Variants in SAMD9L observed in about 807,000 individuals in gnomAD.
The protein encoded by SAMD9L is sterile alpha motif domain-containing protein 9-like.
A neutral mutation model predicts 90.7 loss-of-function variants in SAMD9L; 68 were observed. The observed-to-expected ratio is 0.75, with a 90% confidence interval of 0.62 to 0.92. SAMD9L has a LOEUF of 0.92. Among genes scored for constraint, SAMD9L ranks in the 40% least tolerant of loss-of-function variants. The pLI, the probability that SAMD9L is intolerant of heterozygous loss-of-function variation, is 0.00. For missense variants in SAMD9L, 1,604 were observed against 1,824.3 expected (o/e 0.88, Z 2.20); for synonymous variants, 640 against 630.1 (o/e 1.02, Z -0.23).
In SAMD9L at chr7:93,133,613, A is replaced by G; in HGVS notation, c.2359T>C (p.Tyr787His). ...TAATCCTGATGGCTCTTTGCCCTAT[A>G]GGTGACCAGATTGATCACTTGCTCT... The part of the protein sequence containing the change: ...IAEQVINLVT[Y>H]RAKSHQDYIP... Residue 787 changes from tyrosine (Y) to histidine (H), a missense_variant, in exon 5 of 5, where the codon TAT becomes CAT. By Grantham distance (83) the Tyr-to-His change is moderately conservative. This residue lies in a region of SAMD9L where 606 missense variants were observed against 717.6 expected (regional missense o/e 0.84). Coordinates refer to ENST00000318238, the MANE Select transcript of SAMD9L (RefSeq NM_152703.5). The G allele has an allele frequency of 1.2e-6, 2 of 1,613,810 alleles. No individual in the cohort carries two copies. The highest frequency in any genetic ancestry group is 1.7e-6 in the Non-Finnish European group (2 of 1,179,824).
rs375853283 is a variant in SAMD9L, at chr7:93,132,629, T to C, written c.3343A>G (p.Lys1115Glu). 7 of 1,613,534 alleles carry C rather than the reference T, an allele frequency of 4.3e-6. 1 individual carries two copies. The South Asian group carries it at 5.5e-5, about 13-fold the overall frequency. Reference sequence around the variant, plus strand: ...AGTGTATCTGAAATATAGGAATTTTTAGGTGCTTTCATTTTGGCCTGACGT... The same window carrying C: ...AGTGTATCTGAAATATAGGAATTTTCAGGTGCTTTCATTTTGGCCTGACGT... ...WARQAKMKAPKNSYISDTLGQ... is the reference protein window; with the variant it reads ...WARQAKMKAPENSYISDTLGQ... The change falls in exon 5 of 5, where the codon AAA (lysine) becomes GAA (glutamate). Residue 1115 changes from lysine (K) to glutamate (E), a missense_variant. Coordinates refer to ENST00000318238, the MANE Select transcript of SAMD9L (RefSeq NM_152703.5).
intron 4 of SAMD9L, among the ~76,000 whole-genome samples, chr7:93,137,530 T>C (rs956149397): frequency 1.3e-5 from 2 of 152,030 alleles, no homozygotes; most frequent in African/African-American, 4.8e-5. Flanking sequence ...AGTTGTATAA[T>C]AATTTCATTA....
chr7:93,142,399 A>G (rs1792728033), intron 4 of SAMD9L, among the ~76,000 whole-genome samples: 1 of 152,240 alleles, frequency 6.6e-6, no homozygotes. Context: ...TAGTGAAACA[A>G]TTGAATTGTA....
rs755040420 is a variant in SAMD9L, at chr7:93,131,414, C to G, written c.4558G>C (p.Asp1520His). 19 of 1,613,600 alleles carry G rather than the reference C, an allele frequency of 1.2e-5. No homozygotes were observed. Among genetic ancestry groups the G allele is most frequent in the Non-Finnish European group, 1.6e-5 (19 of 1,179,850 alleles). The change falls in exon 5 of 5, where the codon GAC becomes CAC. Residue 1520 changes from aspartate (D) to histidine (H), a missense_variant. Transcript: ENST00000318238. ...GDVWKKNEVKDLLRRLTGQAE... is the reference protein window; with the variant it reads ...GDVWKKNEVKHLLRRLTGQAE... ...TGACCAGTTAGACGACGCAGGAGGT[C>G]TTTGACTTCATTTTTTTTCCACACA... is the stretch of plus-strand genomic sequence containing the variant.
intron 4 of SAMD9L, among the ~76,000 whole-genome samples, chr7:93,137,495 C>A (rs927341297): frequency 1.3e-5 from 2 of 151,908 alleles, no homozygotes; most frequent in Admixed American, 1.3e-4. Flanking sequence ...AAGCTCAGGG[C>A]TCCCACTGAG....
chr7:93,132,557 T>C lies in SAMD9L; in HGVS notation c.3415A>G (p.Lys1139Glu). The change falls in exon 5 of 5, where the codon AAA (lysine) becomes GAA (glutamate). Residue 1139 changes from lysine to glutamate, a missense_variant. Lys to Glu is a moderately conservative substitution (Grantham distance 56, BLOSUM62 1). Transcript: ENST00000318238. The part of the protein sequence containing the change: ...SEIKWWLDGN[K>E]NCRSITVNDL... ...TTAACAGTAATGCTCCTACAGTTTTTGTTCCCATCCAACCACCATTTGATT... is the reference window on the plus strand; with the variant it reads ...TTAACAGTAATGCTCCTACAGTTTTCGTTCCCATCCAACCACCATTTGATT... 1.2e-6 allele frequency: 2 copies of C among 1,613,972 alleles called. No homozygotes were observed. The highest frequency in any genetic ancestry group is 1.7e-6 in the Non-Finnish European group (2 of 1,179,860).
rs1792290710 is a variant in SAMD9L at position 93,134,094 on chromosome 7, C to T, written c.1878G>A (p.Ser626=). The part of the protein sequence containing the change: ...LVNSTILKLK[S]VTRSSRRFLP... ...AAAACCTTCTTGATGACCGAGTCAC[C>T]GATTTTAGTTTAAGGATAGTGCTGT... Residue 626 remains serine (S), a synonymous_variant, in exon 5 of 5, where the codon TCG becomes TCA. Transcript: ENST00000318238. 10 of 1,613,764 alleles carry T rather than the reference C, an allele frequency of 6.2e-6. No homozygotes were observed. Among genetic ancestry groups the T allele is most frequent in the Admixed American group, 1.7e-5 (1 of 59,980 alleles).
At chr7:93,140,387 T>A (rs2116533142) in intron 4 of SAMD9L, among the ~76,000 whole-genome samples, 1 of 152,120 alleles carries the variant, frequency 6.6e-6, no homozygotes, top group South Asian at 2.1e-4. Context: ...TGCTGGACAA[T>A]GGCCCTCCAC....
At chr7:93,147,778 A>C (rs17165120) in intron 1 of SAMD9L, among the ~76,000 whole-genome samples, 14,423 of 152,252 alleles carry the variant, frequency 0.095, 888 homozygotes, top group East Asian at 0.23. Flanking sequence ...CAGAGTATTA[A>C]CTTTGATAAA....
rs1392162675 is a variant in SAMD9L at position 93,133,919 on chromosome 7, C to T, written c.2053G>A (p.Glu685Lys). 1 of 1,613,806 alleles carries T rather than the reference C, an allele frequency of 6.2e-7. No homozygotes were observed. The highest frequency in any genetic ancestry group is 8.5e-7 in the Non-Finnish European group (1 of 1,179,858). Residue 685 changes from glutamate to lysine, a missense_variant, in exon 5 of 5, where the codon GAA (glutamate) becomes AAA (lysine). This residue lies in a region of SAMD9L where 606 missense variants were observed against 717.6 expected (regional missense o/e 0.84). Coordinates refer to ENST00000318238, the MANE Select transcript of SAMD9L (RefSeq NM_152703.5). ...KFLEFKKSKE[E>K]HFYRGGKVSW... ...ACTTTGCCACCTCGATAAAAGTGTT[C>T]TTCTTTTGATTTCTTAAACTCCAGG...
rs1362876038 is a variant in SAMD9L, at chr7:93,133,461, T to G, written c.2511A>C (p.Leu837Phe). The change falls in exon 5 of 5, where the codon TTA (leucine) becomes TTC (phenylalanine). Residue 837 changes from leucine to phenylalanine, a missense_variant. Transcript: ENST00000318238. ...CTGGATTCCGGGATCTCATGCAGTT[T>G]AAGATAATTACCAATGTTTTTTCAT... ...LRYEKTLVII[L>F]NCMRSRNPDE... 1.2e-6 allele frequency: 2 copies of G among 1,613,064 alleles called. No individual in the cohort carries two copies. Among genetic ancestry groups the G allele is most frequent in the Non-Finnish European group, 1.7e-6 (2 of 1,179,256 alleles).
chr7:93,137,097 T>C (rs181856930), intron 4 of SAMD9L, among the ~76,000 whole-genome samples: 1 of 151,942 alleles, frequency 6.6e-6, no homozygotes, highest in Admixed American at 6.6e-5. Flanking sequence ...AAAAAAAACA[T>C]TAAGGATCAA....
chr7:93,132,350 T>G lies in SAMD9L; in HGVS notation c.3622A>C (p.Ile1208Leu). ...LGEIEVGLYT[I>L]QILQLTPFFH... ...AAGGGAGTGAGCTGAAGAATCTGGA[T>G]AGTGTAAAGACCAACTTCTATTTCA... The change falls in exon 5 of 5, where the codon ATC becomes CTC. Residue 1208 changes from isoleucine to leucine, a missense_variant. Coordinates refer to ENST00000318238, the MANE Select transcript of SAMD9L (RefSeq NM_152703.5). The G allele has an allele frequency of 6.2e-7, 1 of 1,613,872 alleles. No homozygotes were observed. Among genetic ancestry groups the G allele is most frequent in the Non-Finnish European group, 8.5e-7 (1 of 1,179,856 alleles).
At position 93,131,838 on chromosome 7, in the gene SAMD9L, A is replaced by G; in HGVS notation, c.4134T>C (p.Asn1378=). Residue 1378 remains asparagine, a synonymous_variant, in exon 5 of 5, where the codon AAT becomes AAC. Coordinates refer to ENST00000318238, the MANE Select transcript of SAMD9L (RefSeq NM_152703.5). ...LQQNSKKPMT[N]EKQNSILANI... ...TGGCCAAAATGGAATTTTGTTTCTC[A>G]TTTGTCATGGGCTTTTTTGAGTTTT... is the stretch of plus-strand genomic sequence containing the variant. 1 of 1,612,596 alleles carries G rather than the reference A, an allele frequency of 6.2e-7. No homozygotes were observed. Among genetic ancestry groups the G allele is most frequent in the Middle Eastern group, 1.7e-4 (1 of 6,058 alleles).
At chr7:93,144,107 C>A (rs1277304046) in intron 4 of SAMD9L, among the ~76,000 whole-genome samples, 1 of 152,166 alleles carries the variant, frequency 6.6e-6, no homozygotes, top group Non-Finnish European at 1.5e-5. Context: ...TTAGCTATTG[C>A]TTGTTTTTGT....
intron 4 of SAMD9L, among the ~76,000 whole-genome samples, chr7:93,136,902 A>G (rs1379895616): frequency 6.6e-6 from 1 of 152,194 alleles, no homozygotes; most frequent in Non-Finnish European, 1.5e-5. Context: ...CTGTGCAGAC[A>G]AGACCAACAG....
rs1184289516 is a variant in SAMD9L, at chr7:93,131,367, A to G, written c.4605T>C (p.Ser1535=). The G allele has an allele frequency of 1.2e-6, 2 of 1,613,474 alleles. No homozygotes were observed. Among genetic ancestry groups the G allele is most frequent in the Admixed American group, 3.3e-5 (2 of 59,886 alleles). ...LTGQAEGKLI[S]VEYGTEEKIK... ...TTTTTTCCTCTGTTCCATATTCTAC[A>G]GAGATTAGCTTGCCTTCAGCCTGAC... The change falls in exon 5 of 5, where the codon TCT becomes TCC. Residue 1535 remains serine (S), a synonymous_variant. Transcript: ENST00000318238.
chr7:93,139,958 A>G (rs1475815630), intron 4 of SAMD9L, among the ~76,000 whole-genome samples: 1 of 152,142 alleles, frequency 6.6e-6, no homozygotes, highest in South Asian at 2.1e-4. Context: ...TATTTCTTTG[A>G]TTATTCATTA....
rs757728711 is a variant in SAMD9L, at chr7:93,134,453, C to T, written c.1519G>A (p.Glu507Lys). Residue 507 changes from glutamate (E) to lysine (K), a missense_variant, in exon 5 of 5, where the codon GAG (glutamate) becomes AAG (lysine). By Grantham distance (56) the Glu-to-Lys change is moderately conservative. Transcript: ENST00000318238. ...TGTGGTTCTAGAGGTTTATATGTCT[C>T]GCTTTTCAGGTCTGATCTGCCGTTG... ...FCNGRSDLKS[E>K]TYKPLEPHLW... 1.6e-5 allele frequency: 26 copies of T among 1,613,816 alleles called. No individual in the cohort carries two copies. Among genetic ancestry groups the T allele is most frequent in the South Asian group, 1.4e-4 (13 of 91,074 alleles).
Sources: gnomAD v4.1 joint callset for allele counts (sites outside exome capture counted in the v4.1 genomes callset) on GRCh38, gnomAD v4.1.1 for gene constraint, gnomAD v4.1.1 regional missense constraint, MANE v1.5 for transcripts, NCBI Gene and HGNC (gene_info 2026-07-23, HGNC 2026-07-21) for gene names.